The following TMC5 variants were observed in gnomAD, a reference collection of about 807,000 sequenced individuals.
The protein encoded by TMC5 is transmembrane channel-like protein 5.
TMC5 carries 86 observed loss-of-function variants against 110.5 expected under a neutral mutation model. The ratio of observed to expected loss-of-function variants is 0.78; its 90% CI spans 0.65 to 0.93. The LOEUF is 0.93. Ranked by LOEUF, TMC5 falls within the 40% of genes least tolerant of loss-of-function variation. The pLI is 0.00. For synonymous variants in TMC5, 455 were observed against 439.5 expected (o/e 1.04, Z -0.44); for missense variants, 1,144 against 1,222.8 (o/e 0.94, Z 0.96).
At chr16:19,462,686 G>T in intron 6 of TMC5, 1 of 552,276 alleles carries the variant, frequency 1.8e-6, no homozygotes, top group Non-Finnish European at 3.3e-6. Flanking sequence ...GATCACCTGA[G>T]GTCAGGAGTT....
intron 2 of TMC5, among the ~76,000 whole-genome samples, chr16:19,438,409 G>GAAA (rs370741264): frequency 2.5e-3 from 123 of 50,046 alleles, no homozygotes; most frequent in African/African-American, 8.0e-3. Flanking sequence ...AAAAAAAAAA[G>GAAA]AAGAAAGAAA....
At chr16:19,450,330 A>G (rs186743565) in intron 5 of TMC5, among the ~76,000 whole-genome samples, 17 of 152,286 alleles carry the variant, frequency 1.1e-4, no homozygotes, top group African/African-American at 3.9e-4. Context: ...ACCTTCCAGC[A>G]CCTAGTACAG....
At chr16:19,428,599 G>A (rs778603201) in intron 1 of TMC5, among the ~76,000 whole-genome samples, 1 of 152,066 alleles carries the variant, frequency 6.6e-6, no homozygotes, top group Non-Finnish European at 1.5e-5. Context: ...CCATGTTTAG[G>A]TGATGACTTT....
chr16:19,497,844 G>A, intron 21 of TMC5, 76 bp from the exon 22 acceptor site: 38 of 1,377,150 alleles, frequency 2.8e-5, no homozygotes, highest in Non-Finnish European at 3.9e-5. Context: ...GAATCTTGAA[G>A]GCAAGCTGGT....
intron 1 of TMC5, among the ~76,000 whole-genome samples, chr16:19,421,095 G>T (rs28633935): frequency 6.6e-6 from 1 of 152,092 alleles, no homozygotes; most frequent in Non-Finnish European, 1.5e-5. Flanking sequence ...TCGCAAGGTT[G>T]TGTCTGTCAG....
chr16:19,483,265 T>C (rs1319272749), intron 15 of TMC5, among the ~76,000 whole-genome samples: 1 of 152,182 alleles, frequency 6.6e-6, no homozygotes, highest in Admixed American at 6.6e-5. Context: ...TCAGGCAATC[T>C]TCCTGCCTTA....
chr16:19,464,427 C>CATCA lies in TMC5; in HGVS notation c.1485+418_1485+421dup, dbSNP rs534919410. Among the ~76,000 whole-genome samples, 109 of 152,198 alleles carry CATCA rather than the reference C, an allele frequency of 7.2e-4. No homozygotes were observed. In the East Asian group the frequency reaches 0.017, roughly 23 times the overall value. On this transcript the variant is annotated intron_variant, in intron 8 of 21. Transcript: ENST00000542583. ...CAACAGAGCGAGGCCTTGTCTCAAT[C>CATCA]ATCAATCAATCAATCAATAAAGTGT...
chr16:19,469,691 T>C lies in TMC5; in HGVS notation c.1648T>C (p.Tyr550His), dbSNP rs933851223. The change falls in exon 10 of 22, where the codon TAT (tyrosine) becomes CAT (histidine). Residue 550 changes from tyrosine to histidine, a missense_variant. Physicochemically the swap from Tyr to His is moderately conservative, Grantham distance 83. Coordinates refer to ENST00000542583, the MANE Select transcript of TMC5 (RefSeq NM_001261841.2). The stretch of plus-strand genomic sequence containing the variant: ...TTCTGCCTTCTCTAGCATGGCCAAG[T>C]ATTTCCGGAACAACTTCATTAATCC... ...FFSLLFSMAK[Y>H]FRNNFINPHI... 1.2e-6 allele frequency: 2 copies of C among 1,613,914 alleles called. No homozygotes were observed. Among genetic ancestry groups the C allele is most frequent in the African/African-American group, 2.7e-5 (2 of 74,928 alleles).
chr16:19,472,699 C>T (rs1374690794), intron 11 of TMC5, among the ~76,000 whole-genome samples: 2 of 152,126 alleles, frequency 1.3e-5, no homozygotes, highest in African/African-American at 2.4e-5. Flanking sequence ...GTGATCATCT[C>T]TCCATTGTAC....
At chr16:19,419,310 A>G (rs72783384) in intron 1 of TMC5, among the ~76,000 whole-genome samples, 1,604 of 146,390 alleles carry the variant, frequency 0.011, 12 homozygotes, top group Non-Finnish European at 0.017. Context: ...TGTTGTTGTT[A>G]TTATTATTAA....
At position 19,477,462 on chromosome 16, in the gene TMC5, A is replaced by G. The variant is rs571146176; in HGVS notation, c.2113A>G (p.Ile705Val). The G allele has an allele frequency of 2.1e-5, 34 of 1,612,810 alleles. No individual in the cohort carries two copies. The highest frequency in any genetic ancestry group is 1.9e-4 in the African/African-American group (14 of 74,978). The change falls in exon 13 of 22, where the codon ATC (isoleucine) becomes GTC (valine). Residue 705 changes from isoleucine to valine, a missense_variant. Ile to Val is a conservative substitution (Grantham distance 29, BLOSUM62 3). Transcript: ENST00000542583. ...LIRNIFLKISIIGILCYYWLN... is the reference protein window; with the variant it reads ...LIRNIFLKISVIGILCYYWLN... ...TAGAAACATCTTTTTGAAAATATCA[A>G]TCATTGGCATTCTTTGTTACTATTG...
At chr16:19,468,164 A>G (rs1968236024) in intron 9 of TMC5, among the ~76,000 whole-genome samples, 1 of 151,440 alleles carries the variant, frequency 6.6e-6, no homozygotes, top group East Asian at 2.0e-4. Context: ...TAGTAGAGAC[A>G]GGGTTTCACC....
Position 19,444,225 on chromosome 16 carries a change from G to A in TMC5, c.933G>A (p.Leu311=). 6.2e-7 allele frequency: 1 copy of A among 1,613,898 alleles called. No homozygotes were observed. The highest frequency in any genetic ancestry group is 1.1e-5 in the South Asian group (1 of 91,066). The change falls in exon 4 of 22, where the codon CTG becomes CTA. Residue 311 remains leucine (L), a synonymous_variant. Coordinates refer to ENST00000542583, the MANE Select transcript of TMC5 (RefSeq NM_001261841.2). Reference sequence around the variant, plus strand: ...TGGCAAACTCATATGGCCACTCTCTGCCAGGTGCTCCTGGAAGTGGCTATG... The same window carrying A: ...TGGCAAACTCATATGGCCACTCTCTACCAGGTGCTCCTGGAAGTGGCTATG... ...MEMANSYGHS[L]PGAPGSGYVN...
At chr16:19,457,128 A>G (rs990747090) in intron 5 of TMC5, 8 of 882,016 alleles carry the variant, frequency 9.1e-6, no homozygotes, top group Middle Eastern at 6.5e-4. Context: ...GGTGGCTCAC[A>G]CCTATAATCC....
At chr16:19,497,557 G>A (rs1969088173) in intron 21 of TMC5, among the ~76,000 whole-genome samples, 1 of 152,126 alleles carries the variant, frequency 6.6e-6, no homozygotes, top group African/African-American at 2.4e-5. Context: ...CAATTGTTGT[G>A]GGTGCAAAAA....
rs1436196705 is a variant in TMC5, at chr16:19,455,384, G to A, written c.1049-4851G>A. ...TGCAGTGAGCCAAGATCATGCCACT[G>A]TACTCCAGCCTGGGCAACAGAGAGA... On this transcript the variant is annotated intron_variant, in intron 5 of 21. Transcript: ENST00000542583. Among the ~76,000 whole-genome samples the A allele has an allele frequency of 2.0e-5, 3 of 152,050 alleles. No homozygotes were observed. In the East Asian group the frequency reaches 5.8e-4, roughly 29 times the overall value.
At chr16:19,441,256 T>C (rs1825266760) in intron 3 of TMC5, among the ~76,000 whole-genome samples, 1 of 152,192 alleles carries the variant, frequency 6.6e-6, no homozygotes, top group Non-Finnish European at 1.5e-5. Context: ...TGAAGTCGAT[T>C]AGTTTTTTAT....
intron 3 of TMC5, among the ~76,000 whole-genome samples, chr16:19,441,771 T>TTTG (rs1260639083): frequency 6.6e-6 from 1 of 152,186 alleles, no homozygotes. Flanking sequence ...AGGCCGGTTT[T>TTTG]TTGTTGTTGT....
intron 4 of TMC5, among the ~76,000 whole-genome samples, chr16:19,446,449 G>A (rs1967617180): frequency 6.6e-6 from 1 of 152,240 alleles, no homozygotes; most frequent in South Asian, 2.1e-4. Flanking sequence ...TGCTACTCCA[G>A]TGCAAGTGGA....
Sources: allele counts gnomAD v4.1 joint callset (sites outside exome capture counted in the v4.1 genomes callset), GRCh38; gene constraint gnomAD v4.1.1; transcripts MANE v1.5; gene names NCBI Gene and HGNC (gene_info 2026-07-23, HGNC 2026-07-21).